Variants in DENND2B observed in about 807,000 individuals in gnomAD.
DENND2B encodes DENN domain containing 2B.
Under a neutral mutation model 116.0 loss-of-function variants are expected in DENND2B, and 32 were observed. The ratio of observed to expected loss-of-function variants is 0.28; its 90% CI spans 0.21 to 0.37. The LOEUF is 0.37. Ranked by LOEUF, DENND2B falls within the 10% of genes least tolerant of loss-of-function variation. The pLI, the probability that DENND2B is intolerant of heterozygous loss-of-function variation, is 1.00. For missense variants in DENND2B, 1,276 were observed against 1,477.7 expected (o/e 0.86, Z 2.24); for synonymous variants, 588 against 583.9 (o/e 1.01, Z -0.10).
intron 2 of DENND2B, among the ~76,000 whole-genome samples, chr11:8,743,476 G>C (rs1001416095): frequency 6.6e-6 from 1 of 151,122 alleles, no homozygotes; most frequent in Non-Finnish European, 1.5e-5. Context: ...CTTGAACCTG[G>C]TTGGCAGAGG....
Position 8,816,550 on chromosome 11 carries a change from C to CA in DENND2B, c.-114-5216dup, listed in dbSNP as rs113682667. 4.3e-3 allele frequency among the ~76,000 whole-genome samples: 528 copies of CA among 121,650 alleles called. 2 individuals are homozygous for CA. Among genetic ancestry groups the CA allele is most frequent in the African/African-American group, 7.5e-3 (224 of 30,016 alleles). 79.8% of individuals were successfully genotyped at this position (121,650 alleles called of 152,430 possible). ...TGGGTGACAGAGCAAAACTGTGTCT[C>CA]AAAAAAAAAAAAAAAAGGTGGGGGG... On this transcript the variant is annotated intron_variant, in intron 4 of 6. Transcript: ENST00000524757.
chr11:8,906,028 G>GAACT (rs912017292), intron 1 of DENND2B, among the ~76,000 whole-genome samples: 2 of 151,332 alleles, frequency 1.3e-5, no homozygotes, highest in African/African-American at 4.9e-5. Context: ...CAGGAGCTGA[G>GAACT]AACTGACTGC....
intron 1 of DENND2B, among the ~76,000 whole-genome samples, chr11:8,751,609 A>G (rs1200400185): frequency 6.6e-6 from 1 of 152,198 alleles, no homozygotes; most frequent in East Asian, 1.9e-4. Context: ...GAACATCAGA[A>G]GGAACAAACT....
At chr11:8,910,536 A>G (rs961541362) in intron 1 of DENND2B, among the ~76,000 whole-genome samples, 6 of 151,864 alleles carry the variant, frequency 4.0e-5, no homozygotes, top group African/African-American at 1.4e-4. Flanking sequence ...CTGGGACTAC[A>G]GATGCGCGCC....
chr11:8,709,963 G>A (rs528014216), intron 11 of DENND2B, among the ~76,000 whole-genome samples: 3 of 152,146 alleles, frequency 2.0e-5, no homozygotes, highest in South Asian at 2.1e-4. Context: ...ATATGAGCAC[G>A]TGCCTGACTC....
chr11:8,790,395 G>A (rs908401146), intron 1 of DENND2B, among the ~76,000 whole-genome samples: 3 of 152,132 alleles, frequency 2.0e-5, no homozygotes, highest in Non-Finnish European at 2.9e-5. Context: ...ATGTCTGTGC[G>A]CTGGTCCTGC....
chr11:8,783,987 T>C (rs904639878), intron 1 of DENND2B: 1 of 152,082 alleles, frequency 6.6e-6, no homozygotes, highest in Non-Finnish European at 1.5e-5. Context: ...TCAAATTCCA[T>C]ACAAAATTTT....
At chr11:8,767,800 A>G (rs1406060684) in intron 1 of DENND2B, among the ~76,000 whole-genome samples, 12 of 152,174 alleles carry the variant, frequency 7.9e-5, no homozygotes, top group Admixed American at 7.9e-4. Flanking sequence ...CGCTTTCAAT[A>G]CTGAGATTCC....
chr11:8,749,414 G>C (rs542616419), intron 2 of DENND2B, among the ~76,000 whole-genome samples: 2 of 152,354 alleles, frequency 1.3e-5, no homozygotes, highest in South Asian at 4.1e-4. Context: ...TGGATAGTCA[G>C]TTTGCTTGGC....
At chr11:8,816,298 C>T (rs1202930678) in intron 4 of DENND2B, among the ~76,000 whole-genome samples, 1 of 152,178 alleles carries the variant, frequency 6.6e-6, no homozygotes, top group Non-Finnish European at 1.5e-5. Flanking sequence ...GTAATCCCAG[C>T]ACTCTGGGAG....
chr11:8,841,742 C>A (rs2062630020), intron 3 of DENND2B, among the ~76,000 whole-genome samples: 1 of 152,182 alleles, frequency 6.6e-6, no homozygotes, highest in Non-Finnish European at 1.5e-5. Flanking sequence ...GAATTCAGGA[C>A]CCACTTCTTC....
At chr11:8,798,673 A>G (rs1407577247) in intron 1 of DENND2B, among the ~76,000 whole-genome samples, 2 of 152,192 alleles carry the variant, frequency 1.3e-5, no homozygotes, top group African/African-American at 4.8e-5. Flanking sequence ...GCACATAAGC[A>G]GAATAGGCAC....
intron 3 of DENND2B, among the ~76,000 whole-genome samples, chr11:8,843,318 G>A (rs371874059): frequency 3.3e-5 from 5 of 152,026 alleles, no homozygotes; most frequent in Admixed American, 6.6e-5. Flanking sequence ...GGAGTCACTC[G>A]TCTTAATAAC....
At chr11:8,875,017 AGCC>A (rs2063827175), upstream of DENND2B, among the ~76,000 whole-genome samples, 2 of 152,154 alleles carry the variant, frequency 1.3e-5, no homozygotes, top group Non-Finnish European at 2.9e-5. Flanking sequence ...AAAGGTGGTT[AGCC>A]TAGATGACTT....
intron 13 of DENND2B, among the ~76,000 whole-genome samples, chr11:8,706,117 C>T (rs1194369324): frequency 2.6e-5 from 4 of 152,084 alleles, no homozygotes; most frequent in Non-Finnish European, 5.9e-5. Context: ...TGGTGGTGCA[C>T]GCCTGTAGTC....
At chr11:8,853,670 A>C (rs1019382085) in intron 3 of DENND2B, among the ~76,000 whole-genome samples, 2 of 152,240 alleles carry the variant, frequency 1.3e-5, no homozygotes, top group Admixed American at 6.5e-5. Flanking sequence ...TTGAAAAATA[A>C]GATAGAATAA....
Position 8,747,438 on chromosome 11 carries a change from G to A in DENND2B, c.80+3183C>T, listed in dbSNP as rs192699562. On this transcript the variant is annotated intron_variant, in intron 2 of 19. Coordinates refer to ENST00000313726, the MANE Select transcript of DENND2B (RefSeq NM_213618.2). ...TGAAATCTCCTGAGAGCAGTAAGTG[G>A]CAAAGTTCACCCTATCTACACAGCT... Among the ~76,000 whole-genome samples the A allele has an allele frequency of 1.8e-3, 276 of 151,820 alleles. 1 individual carries two copies. The highest frequency in any genetic ancestry group is 6.2e-3 in the African/African-American group (255 of 41,366).
At chr11:8,767,155 A>ACTCC (rs2055973776) in intron 1 of DENND2B, among the ~76,000 whole-genome samples, 1 of 151,964 alleles carries the variant, frequency 6.6e-6, no homozygotes, top group Non-Finnish European at 1.5e-5. Context: ...TCTGTTGTGG[A>ACTCC]CTCCCAACTG....
chr11:8,823,533 T>A (rs1458668909), intron 4 of DENND2B, among the ~76,000 whole-genome samples: 2 of 152,178 alleles, frequency 1.3e-5, no homozygotes, highest in African/African-American at 4.8e-5. Context: ...TGGGAAGTGA[T>A]TAGGTCATGG....
Sources: allele counts gnomAD v4.1 joint callset (sites outside exome capture counted in the v4.1 genomes callset), GRCh38; gene constraint gnomAD v4.1.1; transcripts MANE v1.5; gene names NCBI Gene and HGNC (gene_info 2026-07-23, HGNC 2026-07-21).